The following ENAH variants were observed in gnomAD, a reference collection of about 807,000 sequenced individuals.
ENAH encodes protein enabled homolog.
In ENAH, 23 loss-of-function variants were observed where a neutral mutation model predicts 78.7. That is an observed-to-expected ratio of 0.29 (90% CI 0.21 to 0.41). The LOEUF (loss-of-function observed/expected upper bound fraction) is 0.41, where lower values mean the gene tolerates loss of function less well. Among genes scored for constraint, ENAH ranks in the 10% least tolerant of loss-of-function variants. The pLI, the probability that ENAH is intolerant of heterozygous loss-of-function variation, is 1.00. For synonymous variants in ENAH, 226 were observed against 241.0 expected, an observed-to-expected ratio of 0.94 and a Z score of 0.58; for missense variants, 544 against 691.0, an observed-to-expected ratio of 0.79 and a Z score of 2.39.
At chr1:225,533,539 T>G (rs1271271941) in intron 3 of ENAH, among the ~76,000 whole-genome samples, 1 of 152,138 alleles carries the variant, frequency 6.6e-6, no homozygotes, top group Non-Finnish European at 1.5e-5. Flanking sequence ...CTTTCTATGT[T>G]ATCATAAAGA....
intron 1 of ENAH, among the ~76,000 whole-genome samples, chr1:225,589,427 T>A (rs937444058): frequency 1.3e-5 from 2 of 152,150 alleles, no homozygotes; most frequent in African/African-American, 4.8e-5. Context: ...AATAAATAAA[T>A]AAATTATAGT....
At chr1:225,588,957 G>A (rs2096861792) in intron 1 of ENAH, among the ~76,000 whole-genome samples, 1 of 152,090 alleles carries the variant, frequency 6.6e-6, no homozygotes, top group Non-Finnish European at 1.5e-5. Flanking sequence ...ATAAATTGTG[G>A]TGTATTCACC....
intron 1 of ENAH, among the ~76,000 whole-genome samples, chr1:225,645,415 C>T (rs1416075503): frequency 6.6e-6 from 1 of 152,182 alleles, no homozygotes; most frequent in Non-Finnish European, 1.5e-5. Context: ...GGACATACCA[C>T]ATTTTGATGA....
At chr1:225,595,737 T>A (rs2096899076) in intron 1 of ENAH, among the ~76,000 whole-genome samples, 1 of 152,146 alleles carries the variant, frequency 6.6e-6, no homozygotes, top group Non-Finnish European at 1.5e-5. Context: ...GCTAAAAATA[T>A]AAAGTTCAAA....
intron 7 of ENAH, among the ~76,000 whole-genome samples, chr1:225,513,903 C>T (rs1289570962): frequency 6.6e-6 from 1 of 151,910 alleles, no homozygotes; most frequent in African/African-American, 2.4e-5. Flanking sequence ...GAGGCAAAAT[C>T]GCTTGAACCT....
intron 1 of ENAH, among the ~76,000 whole-genome samples, chr1:225,587,904 G>C (rs901663795): frequency 1.3e-5 from 2 of 152,030 alleles, no homozygotes; most frequent in Non-Finnish European, 2.9e-5. Flanking sequence ...TTTTCAATAA[G>C]TGGTGCTGGA....
Position 225,641,317 on chromosome 1 carries a change from T to C in ENAH, c.5+11369A>G, listed in dbSNP as rs12122028. On this transcript the variant is annotated intron_variant, in intron 1 of 13. Coordinates refer to ENST00000366843, the MANE Select transcript of ENAH (RefSeq NM_018212.6). ...TATGCATTTTCCTTCTAAACATGTTTTTTTAAAGGTACCATGTCGAACCCA... is the reference window on the plus strand; with the variant it reads ...TATGCATTTTCCTTCTAAACATGTTCTTTTAAAGGTACCATGTCGAACCCA... 6.2e-3 allele frequency among the ~76,000 whole-genome samples: 938 copies of C among 151,432 alleles called. 3 individuals carry two copies. Among genetic ancestry groups the C allele is most frequent in the Non-Finnish European group, 9.9e-3 (671 of 67,886 alleles).
At chr1:225,564,896 T>C (rs2096727178) in intron 2 of ENAH, among the ~76,000 whole-genome samples, 1 of 152,122 alleles carries the variant, frequency 6.6e-6, no homozygotes, top group Non-Finnish European at 1.5e-5. Flanking sequence ...CTTGTCCATC[T>C]AAGGACAGCT....
At chr1:225,524,434 T>C (rs1344193635) in intron 4 of ENAH, among the ~76,000 whole-genome samples, 3 of 152,222 alleles carry the variant, frequency 2.0e-5, no homozygotes, top group Non-Finnish European at 4.4e-5. Flanking sequence ...AGTAACACTG[T>C]TATTATTGAC....
chr1:225,635,378 C>T (rs1659875690), intron 1 of ENAH, among the ~76,000 whole-genome samples: 2 of 152,148 alleles, frequency 1.3e-5, no homozygotes, highest in Non-Finnish European at 2.9e-5. Context: ...AGTTGTTTAT[C>T]GTAGGTGTAT....
At chr1:225,648,417 A>G (rs12027872) in intron 1 of ENAH, among the ~76,000 whole-genome samples, 8,496 of 152,280 alleles carry the variant, frequency 0.056, 378 homozygotes, top group East Asian at 0.13. Flanking sequence ...AATTTCTTCT[A>G]TACCAGCCAA....
chr1:225,533,970 G>A (rs1342933779), intron 3 of ENAH, among the ~76,000 whole-genome samples: 1 of 151,972 alleles, frequency 6.6e-6, no homozygotes, highest in African/African-American at 2.4e-5. Flanking sequence ...GTAATAATGG[G>A]GGGAAATCTA....
chr1:225,510,421 C>A (rs776263242), intron 10 of ENAH, among the ~76,000 whole-genome samples: 3 of 151,948 alleles, frequency 2.0e-5, no homozygotes, highest in Non-Finnish European at 2.9e-5. Flanking sequence ...AAATATGGTT[C>A]GGATTTACAA....
At chr1:225,567,135 T>C (rs2151510330) in intron 2 of ENAH, 114 bp downstream of exon 2, 3 of 1,181,624 alleles carry the variant, frequency 2.5e-6, no homozygotes, top group Admixed American at 2.6e-5. Flanking sequence ...ATTCAGTTTT[T>C]CCCAGAGAGA....
intron 1 of ENAH, among the ~76,000 whole-genome samples, chr1:225,596,859 T>A (rs991762954): frequency 8.5e-5 from 13 of 152,216 alleles, no homozygotes; most frequent in African/African-American, 2.9e-4. Flanking sequence ...TACACACAGC[T>A]GACATCTTAA....
chr1:225,512,970 T>C lies in ENAH; in HGVS notation c.1265A>G (p.Asn422Ser). Reference sequence around the variant, plus strand: ...TGTATCTGTTTTAGATGAGGCGGAGTTCACACCAATAGCATTCCCTCCACT... The same window carrying C: ...TGTATCTGTTTTAGATGAGGCGGAGCTCACACCAATAGCATTCCCTCCACT... Reference protein sequence around the residue: ...FPSGGNAIGVNSASSKTDTGR... With the variant: ...FPSGGNAIGVSSASSKTDTGR... Residue 422 changes from asparagine to serine, a missense_variant, in exon 8 of 14, where the codon AAC (asparagine) becomes AGC (serine). By Grantham distance (46) the Asn-to-Ser change is conservative. Coordinates refer to ENST00000366843, the MANE Select transcript of ENAH (RefSeq NM_018212.6). The C allele has an allele frequency of 6.2e-7, 1 of 1,613,850 alleles. No individual in the cohort carries two copies. The highest frequency in any genetic ancestry group is 1.1e-5 in the South Asian group (1 of 91,048).
chr1:225,517,450 C>T (rs2151154602), intron 5 of ENAH, 144 bp from the exon 6 acceptor site: 1 of 1,551,548 alleles, frequency 6.4e-7, no homozygotes, highest in Non-Finnish European at 8.7e-7. Flanking sequence ...AGCTGCTGGC[C>T]CTGAGGTAGG....
chr1:225,508,205 A>G (rs546564824), intron 10 of ENAH, among the ~76,000 whole-genome samples, 188 bp from the exon 11 acceptor site: 1 of 152,308 alleles, frequency 6.6e-6, no homozygotes, highest in Admixed American at 6.5e-5. Context: ...CCTTAAAATG[A>G]GAAGAAATTA....
intron 2 of ENAH, among the ~76,000 whole-genome samples, chr1:225,566,690 A>G (rs1575555837): frequency 6.6e-6 from 1 of 152,238 alleles, no homozygotes. Context: ...AGGCCCAAGA[A>G]ATCAAGTAAT....
Sources: gnomAD v4.1 joint callset for allele counts (sites outside exome capture counted in the v4.1 genomes callset) on GRCh38, gnomAD v4.1.1 for gene constraint, MANE v1.5 for transcripts, NCBI Gene and HGNC (gene_info 2026-07-23, HGNC 2026-07-21) for gene names.